Variants in UNC79 observed in about 807,000 individuals in gnomAD.
The protein encoded by UNC79 is protein unc-79 homolog.
In UNC79, 37 loss-of-function variants were observed where a neutral mutation model predicts 283.1. That is an observed-to-expected ratio of 0.13 (90% CI 0.10 to 0.17). The LOEUF (loss-of-function observed/expected upper bound fraction) is 0.17, where lower values mean the gene tolerates loss of function less well. UNC79 is among the 10% of genes least tolerant of loss of function. UNC79 has a pLI of 1.00. For synonymous variants in UNC79, 1,107 were observed against 1,200.2 expected (o/e 0.92, Z 1.61); for missense variants, 2,272 against 3,211.1 (o/e 0.71, Z 7.07).
chr14:93,574,948 ATTATCC>A (rs1218621214), intron 16 of UNC79, 104 bp from the exon 17 acceptor site: 19 of 1,204,462 alleles, frequency 1.6e-5, no homozygotes, highest in Non-Finnish European at 1.9e-5. Context: ...TGTAAGGCTA[ATTATCC>A]TTATGTTCAA....
At chr14:93,478,244 G>A (rs963782114) in intron 4 of UNC79, among the ~76,000 whole-genome samples, 1 of 152,138 alleles carries the variant, frequency 6.6e-6, no homozygotes, top group Non-Finnish European at 1.5e-5. Context: ...TGATGATAAA[G>A]TGACTCGAAA....
At chr14:93,705,597 G>A (rs534077462) in intron 48 of UNC79, among the ~76,000 whole-genome samples, 7 of 152,344 alleles carry the variant, frequency 4.6e-5, no homozygotes, top group African/African-American at 1.7e-4. Flanking sequence ...GCCTAAAAGA[G>A]GAGATCCCGC....
At chr14:93,639,390 C>T (rs948830856) in intron 32 of UNC79, among the ~76,000 whole-genome samples, 9 of 152,068 alleles carry the variant, frequency 5.9e-5, no homozygotes, top group Non-Finnish European at 5.9e-5. Flanking sequence ...TGCGGTTTAC[C>T]GTGCTATTTA....
chr14:93,500,518 G>GGTCAGACATTGTTTAGCTGCTT (rs1236460684), intron 7 of UNC79, among the ~76,000 whole-genome samples: 1 of 152,102 alleles, frequency 6.6e-6, no homozygotes, highest in Non-Finnish European at 1.5e-5. Flanking sequence ...ACCGGCTGCT[G>GGTCAGACATTGTTTAGCTGCTT]GTCAGACATT....
chr14:93,613,350 C>G (rs1219249694), intron 27 of UNC79, among the ~76,000 whole-genome samples: 2 of 151,312 alleles, frequency 1.3e-5, no homozygotes, highest in Admixed American at 6.6e-5. Flanking sequence ...AAGATGCTAA[C>G]CTTGTAGCAT....
intron 1 of UNC79, among the ~76,000 whole-genome samples, chr14:93,419,429 A>G (rs2055541691): frequency 6.6e-6 from 1 of 151,546 alleles, no homozygotes; most frequent in Non-Finnish European, 1.5e-5. Context: ...AGCCTCCCAA[A>G]GTGCTGGGAT....
At chr14:93,506,890 T>C (rs2059572753) in intron 7 of UNC79, among the ~76,000 whole-genome samples, 1 of 152,168 alleles carries the variant, frequency 6.6e-6, no homozygotes. Context: ...CAGAAAATAA[T>C]GGTATGCCTT....
At chr14:93,390,167 A>ACAAT (rs1392515065) in intron 1 of UNC79, among the ~76,000 whole-genome samples, 3 of 152,258 alleles carry the variant, frequency 2.0e-5, no homozygotes, top group African/African-American at 7.2e-5. Context: ...AACACTGGAA[A>ACAAT]CAATCAATCA....
chr14:93,516,450 TGG>T lies in UNC79; in HGVS notation c.899-7518_899-7517del, dbSNP rs34400311. On this transcript the variant is annotated intron_variant, in intron 7 of 48. Coordinates refer to ENST00000555664, the Ensembl canonical transcript of UNC79. The stretch of plus-strand genomic sequence containing the variant: ...AAACAATCTGCTTGGATATTTTTTT[TGG>T]GGGGGGGGGTGGGGGATGGAGTCTT... Among the ~76,000 whole-genome samples the T allele has an allele frequency of 3.2e-3, 248 of 78,140 alleles. 3 individuals are homozygous for T. Among genetic ancestry groups the T allele is most frequent in the East Asian group, 0.025 (70 of 2,768 alleles). 51.3% of individuals were successfully genotyped at this position (78,140 alleles called of 152,430 possible).
At chr14:93,468,919 AT>A (rs1327541176) in intron 2 of UNC79, among the ~76,000 whole-genome samples, 2 of 152,130 alleles carry the variant, frequency 1.3e-5, no homozygotes, top group African/African-American at 4.8e-5. Flanking sequence ...AATTAGCCCA[AT>A]TTTCATAGTG....
At chr14:93,686,427 A>C in intron 42 of UNC79, 145 bp from the exon 46 acceptor site, 1 of 833,168 alleles carries the variant, frequency 1.2e-6, no homozygotes, top group Non-Finnish European at 1.9e-6. Context: ...GCAGACAGTC[A>C]CAGACCAAGC....
intron 39 of UNC79, among the ~76,000 whole-genome samples, chr14:93,660,871 T>A (rs1009474879): frequency 2.6e-5 from 4 of 152,062 alleles, no homozygotes; most frequent in African/African-American, 7.2e-5. Flanking sequence ...ATTACAGGCA[T>A]GTCCCACTGC....
intron 37 of UNC79, 117 bp downstream of exon 40, chr14:93,654,142 T>G (rs2070641579): frequency 6.2e-6 from 4 of 640,764 alleles, no homozygotes; most frequent in Non-Finnish European, 7.3e-6. Flanking sequence ...GATTGCAATG[T>G]TATTTAATTT....
At chr14:93,543,567 A>G (rs1595812887) in intron 14 of UNC79, among the ~76,000 whole-genome samples, 3 of 151,946 alleles carry the variant, frequency 2.0e-5, no homozygotes, top group East Asian at 1.9e-4. Context: ...GGGTCTCTCT[A>G]TGTTGCTCAG....
intron 1 of UNC79, among the ~76,000 whole-genome samples, chr14:93,364,571 A>G (rs2054291064): frequency 6.6e-6 from 1 of 150,902 alleles, no homozygotes; most frequent in Admixed American, 6.7e-5. Flanking sequence ...TTCAACATAT[A>G]CAAGGAATAG....
At chr14:93,394,054 AC>A in intron 1 of UNC79, among the ~76,000 whole-genome samples, 1 of 152,008 alleles carries the variant, frequency 6.6e-6, no homozygotes, top group East Asian at 1.9e-4. Flanking sequence ...AATTCCTAGT[AC>A]CCATGAATAA....
At chr14:93,541,917 A>G (rs1595805908) in intron 13 of UNC79, among the ~76,000 whole-genome samples, 1 of 149,640 alleles carries the variant, frequency 6.7e-6, no homozygotes, top group South Asian at 2.2e-4. Flanking sequence ...AGGCAGGAGA[A>G]TGGCGTGAAC....
At chr14:93,397,649 T>G (rs2140021171) in intron 1 of UNC79, among the ~76,000 whole-genome samples, 1 of 152,122 alleles carries the variant, frequency 6.6e-6, no homozygotes, top group South Asian at 2.1e-4. Flanking sequence ...GAGTTTGAGA[T>G]GAGCCTGGGC....
intron 31 of UNC79, among the ~76,000 whole-genome samples, chr14:93,633,763 T>C (rs1263465683): frequency 6.6e-6 from 1 of 152,208 alleles, no homozygotes; most frequent in Non-Finnish European, 1.5e-5. Context: ...GAAATGCTAA[T>C]AACTTGACAT....
Sources: allele counts gnomAD v4.1 joint callset (sites outside exome capture counted in the v4.1 genomes callset), GRCh38; gene constraint gnomAD v4.1.1; transcripts MANE v1.5; gene names NCBI Gene and HGNC (gene_info 2026-07-23, HGNC 2026-07-21).